TDP1: variants seen among roughly 807,000 people sequenced by gnomAD.
The protein encoded by TDP1 is tyrosyl-DNA phosphodiesterase 1, also known as tyr-DNA phosphodiesterase 1.
In TDP1, 64 loss-of-function variants were observed where a neutral mutation model predicts 81.5. That is an observed-to-expected ratio of 0.79 (90% CI 0.64 to 0.97). TDP1 has a LOEUF of 0.97. Among genes scored for constraint, TDP1 ranks in the 50% least tolerant of loss-of-function variants. The pLI, the probability that TDP1 is intolerant of heterozygous loss-of-function variation, is 0.00. For missense variants in TDP1, 723 were observed against 743.8 expected (o/e 0.97, Z 0.33); for synonymous variants, 256 against 264.3 (o/e 0.97, Z 0.30).
intron 14 of TDP1, among the ~76,000 whole-genome samples, chr14:90,007,244 C>T (rs7142378): frequency 0.039 from 5,907 of 152,108 alleles, 375 homozygotes; most frequent in African/African-American, 0.13. Flanking sequence ...CTAAAACTCC[C>T]TTTATTTTTG....
At chr14:89,971,798 C>CT (rs1893697527) in intron 6 of TDP1, among the ~76,000 whole-genome samples, 1 of 152,096 alleles carries the variant, frequency 6.6e-6, no homozygotes, top group Admixed American at 6.6e-5. Context: ...CTGTGGGTTT[C>CT]TTTTTGTGAG....
chr14:89,998,554 C>T (rs140364644), intron 14 of TDP1, among the ~76,000 whole-genome samples: 134 of 151,204 alleles, frequency 8.9e-4, no homozygotes, highest in African/African-American at 2.8e-3. Context: ...AGAGGTTAAA[C>T]AATGTGCCCA....
intron 5 of TDP1, among the ~76,000 whole-genome samples, chr14:89,968,518 A>G (rs1893210673): frequency 6.6e-6 from 1 of 152,240 alleles, no homozygotes; most frequent in South Asian, 2.1e-4. Flanking sequence ...TGGAAGTCCC[A>G]CACAACACCT....
intron 14 of TDP1, among the ~76,000 whole-genome samples, chr14:90,002,542 C>A (rs1032611250): frequency 1.3e-5 from 2 of 152,014 alleles, no homozygotes; most frequent in South Asian, 4.2e-4. Context: ...TCTGTTTTGC[C>A]TGTGTAACAC....
Position 90,043,091 on chromosome 14 carries a change from T to C in TDP1, c.1775T>C (p.Ile592Thr). The change falls in exon 17 of 17, where the codon ATT (isoleucine) becomes ACT (threonine). Residue 592 changes from isoleucine to threonine, a missense_variant. Ile to Thr is a moderately conservative substitution (Grantham distance 89). Transcript: ENST00000335725. The stretch of plus-strand genomic sequence containing the variant: ...CCAGATCGGCCATGGATATGGAACA[T>C]TCCTTATGTCAAAGCACCGGATACG... ...GSKDRPWIWN[I>T]PYVKAPDTHG... The C allele has an allele frequency of 6.2e-7, 1 of 1,614,190 alleles. No individual in the cohort carries two copies. The highest frequency in any genetic ancestry group is 8.5e-7 in the Non-Finnish European group (1 of 1,180,032).
At chr14:89,980,694 CATTCA>C in intron 8 of TDP1, 62 bp downstream of exon 8, 1 of 1,302,054 alleles carries the variant, frequency 7.7e-7, no homozygotes, top group African/African-American at 1.5e-5. Flanking sequence ...AAAGCCAGAA[CATTCA>C]CTTTATTCTT....
chr14:90,010,853 G>T (rs1031644513), intron 14 of TDP1, among the ~76,000 whole-genome samples: 3 of 152,032 alleles, frequency 2.0e-5, no homozygotes, highest in Non-Finnish European at 4.4e-5. Context: ...CATATCAAGA[G>T]AAAAAAACAG....
intron 14 of TDP1, among the ~76,000 whole-genome samples, chr14:90,004,848 A>G (rs1012198770): frequency 2.0e-5 from 3 of 152,232 alleles, no homozygotes; most frequent in African/African-American, 7.2e-5. Flanking sequence ...GGAGAGTTAA[A>G]CATGCTGTTA....
chr14:89,989,425 C>CA (rs1895941454), intron 11 of TDP1: 1 of 983,194 alleles, frequency 1.0e-6, no homozygotes, highest in African/African-American at 1.7e-5. Flanking sequence ...GAATTATGGG[C>CA]ATTTTAATTA....
Position 89,988,905 on chromosome 14 carries a change from C to T in TDP1, c.1132C>T (p.Leu378Phe). ...DNWGHFRLKK[L>F]LKDHASSMPN... Reference sequence around the variant, plus strand: ...AACATTCACTTTTATTCTTTCCCAGCTTCTGAAAGACCATGCCTCATCCAT... The same window carrying T: ...AACATTCACTTTTATTCTTTCCCAGTTTCTGAAAGACCATGCCTCATCCAT... Residue 378 changes from leucine to phenylalanine, a missense_variant and splice_region_variant, in exon 11 of 17, where the codon CTT becomes TTT. Transcript: ENST00000335725. 1 of 1,614,026 alleles carries T rather than the reference C, an allele frequency of 6.2e-7. No individual in the cohort carries two copies. The highest frequency in any genetic ancestry group is 8.5e-7 in the Non-Finnish European group (1 of 1,179,916).
chr14:89,960,746 GT>G lies in TDP1; in HGVS notation c.-7-2360del, dbSNP rs559077272. On this transcript the variant is annotated intron_variant, in intron 2 of 16. Coordinates refer to ENST00000335725, the MANE Select transcript of TDP1 (RefSeq NM_018319.4). ...TGTCTTGATGCATTCTTGCATAAAA[GT>G]TCCTTGAAATGTGTAATTTACAGAA... 4.4e-4 allele frequency among the ~76,000 whole-genome samples: 67 copies of G among 152,290 alleles called. 1 individual carries two copies. Among genetic ancestry groups the G allele is most frequent in the Middle Eastern group, 3.4e-3 (1 of 294 alleles).
At chr14:90,014,607 T>C (rs779405331) in intron 14 of TDP1, among the ~76,000 whole-genome samples, 8 of 152,238 alleles carry the variant, frequency 5.3e-5, no homozygotes, top group Non-Finnish European at 1.0e-4. Context: ...AAAGCCTCAG[T>C]CTGTACATTG....
At chr14:89,972,714 TTCC>T (rs1893810673) in intron 6 of TDP1, among the ~76,000 whole-genome samples, 1 of 152,220 alleles carries the variant, frequency 6.6e-6, no homozygotes, top group Non-Finnish European at 1.5e-5. Context: ...TGATAACTAC[TTCC>T]TATAGAAATG....
chr14:89,975,501 G>T (rs1894181246), intron 6 of TDP1: 1 of 976,810 alleles, frequency 1.0e-6, no homozygotes, highest in Non-Finnish European at 1.2e-6. Flanking sequence ...AAGAATTTAG[G>T]CTTCTCAGTC....
At chr14:89,969,843 G>T (rs1354844202) in intron 5 of TDP1, among the ~76,000 whole-genome samples, 2 of 148,494 alleles carry the variant, frequency 1.3e-5, no homozygotes, top group Admixed American at 1.3e-4. Context: ...AATTTTTGTT[G>T]TGTTGGGAGA....
chr14:90,023,127 G>T (rs1228904337), intron 15 of TDP1: 2 of 744,650 alleles, frequency 2.7e-6, no homozygotes, highest in South Asian at 1.4e-5. Context: ...TACAATATAT[G>T]ACAACAACTA....
At chr14:89,995,426 C>T (rs994866503) in intron 14 of TDP1, among the ~76,000 whole-genome samples, 1 of 152,070 alleles carries the variant, frequency 6.6e-6, no homozygotes, top group Non-Finnish European at 1.5e-5. Context: ...TTTAGTGTGC[C>T]TGTTTTCTAC....
chr14:89,988,962 C>A lies in TDP1; in HGVS notation c.1189C>A (p.Gln397Lys). 1 of 1,614,164 alleles carries A rather than the reference C, an allele frequency of 6.2e-7. No homozygotes were observed. The change falls in exon 11 of 17, where the codon CAG becomes AAG. Residue 397 changes from glutamine to lysine, a missense_variant. Coordinates refer to ENST00000335725, the MANE Select transcript of TDP1 (RefSeq NM_018319.4). ...CGCAGAGTCCTGGCCTGTCGTAGGT[C>A]AGTTTTCAAGCGTTGGCTCCTTGGG... is the stretch of plus-strand genomic sequence containing the variant. ...PNAESWPVVGQFSSVGSLGAD... is the reference protein window; with the variant it reads ...PNAESWPVVGKFSSVGSLGAD...
chr14:89,997,777 A>G (rs1374912670), intron 14 of TDP1, among the ~76,000 whole-genome samples: 1 of 152,140 alleles, frequency 6.6e-6, no homozygotes, highest in Non-Finnish European at 1.5e-5. Context: ...CACATTCTCC[A>G]TTACATAATT....
Sources: allele counts gnomAD v4.1 joint callset (sites outside exome capture counted in the v4.1 genomes callset), GRCh38; gene constraint gnomAD v4.1.1; transcripts MANE v1.5; gene names NCBI Gene and HGNC (gene_info 2026-07-23, HGNC 2026-07-21).